Variants in FSHR observed in about 807,000 individuals in gnomAD.
FSHR encodes the protein follicle stimulating hormone receptor.
Under a neutral mutation model 52.1 loss-of-function variants are expected in FSHR, and 46 were observed. The observed-to-expected ratio is 0.88, with a 90% CI of 0.70 to 1.13. FSHR has a LOEUF of 1.13. Among genes scored for constraint, FSHR ranks in the 50% most tolerant of loss-of-function variants. The pLI, the probability that FSHR is intolerant of heterozygous loss-of-function variation, is 0.00. For synonymous variants in FSHR, 399 were observed against 309.6 expected (o/e 1.29, Z -3.03); for missense variants, 964 against 834.6 (o/e 1.16, Z -1.91).
intron 6 of FSHR, among the ~76,000 whole-genome samples, chr2:48,987,610 T>G (rs115055729): frequency 0.012 from 1,855 of 152,230 alleles, 45 homozygotes; most frequent in African/African-American, 0.042. Flanking sequence ...CTACTGCTCA[T>G]CTTTAAAAGC....
At chr2:49,028,772 G>T (rs751203871) in intron 2 of FSHR, among the ~76,000 whole-genome samples, 20 of 152,148 alleles carry the variant, frequency 1.3e-4, no homozygotes, top group Non-Finnish European at 2.8e-4. Flanking sequence ...GGTTGGAGGT[G>T]CCCAGAACAA....
intron 2 of FSHR, among the ~76,000 whole-genome samples, chr2:49,066,067 A>G (rs181946243): frequency 1.3e-5 from 2 of 152,162 alleles, no homozygotes; most frequent in Non-Finnish European, 2.9e-5. Context: ...TTTTTGTCCA[A>G]ATAGCAAGTG....
chr2:48,984,594 T>TG (rs1553431705), intron 6 of FSHR, among the ~76,000 whole-genome samples: 1 of 151,698 alleles, frequency 6.6e-6, no homozygotes, highest in East Asian at 1.9e-4. Context: ...GTATTTTTTT[T>TG]TTTTGTAATA....
chr2:49,068,848 T>C (rs1386250660), intron 1 of FSHR, among the ~76,000 whole-genome samples: 4 of 152,084 alleles, frequency 2.6e-5, no homozygotes, highest in South Asian at 2.1e-4. Flanking sequence ...TTCTCCAATA[T>C]ACACTAGGTC....
At chr2:49,040,526 G>T (rs1339021545) in intron 2 of FSHR, among the ~76,000 whole-genome samples, 3 of 152,188 alleles carry the variant, frequency 2.0e-5, no homozygotes, top group Non-Finnish European at 4.4e-5. Flanking sequence ...GTTGTCTGTG[G>T]CATCTGGTAC....
At chr2:48,996,746 T>A (rs1676040557) in intron 4 of FSHR, among the ~76,000 whole-genome samples, 1 of 152,086 alleles carries the variant, frequency 6.6e-6, no homozygotes, top group Non-Finnish European at 1.5e-5. Flanking sequence ...GTCAAGACAC[T>A]CAAATTTTTG....
chr2:49,083,910 C>T (rs1390845207), intron 1 of FSHR, among the ~76,000 whole-genome samples: 2 of 151,428 alleles, frequency 1.3e-5, no homozygotes, highest in East Asian at 3.9e-4. Context: ...ACTTTAACAT[C>T]CCACTGTCAA....
intron 1 of FSHR, among the ~76,000 whole-genome samples, chr2:49,079,550 A>G (rs1473046371): frequency 6.6e-6 from 1 of 152,170 alleles, no homozygotes; most frequent in Non-Finnish European, 1.5e-5. Flanking sequence ...ATTTAAAAAA[A>G]TAGACCAATG....
chr2:49,076,602 G>C (rs920963071), intron 1 of FSHR, among the ~76,000 whole-genome samples: 8 of 152,032 alleles, frequency 5.3e-5, no homozygotes, highest in African/African-American at 1.9e-4. Flanking sequence ...CTTCCCTACA[G>C]TCTACCAAAA....
rs377567991 is a variant in FSHR at position 48,965,718 on chromosome 2, T to C, written c.855-1752A>G. Among the ~76,000 whole-genome samples the C allele has an allele frequency of 1.5e-4, 23 of 152,342 alleles. No homozygotes were observed. In the South Asian group the frequency reaches 4.6e-3, roughly 30 times the overall value. On this transcript the variant is annotated intron_variant, in intron 9 of 9. Transcript: ENST00000406846. ...TGGTCGCTGTCTGTGAAGGTTCTTA[T>C]TGTTGATACTGCTGTCCATATATTT...
intron 2 of FSHR, among the ~76,000 whole-genome samples, chr2:49,065,352 A>T (rs1669461530): frequency 1.3e-5 from 2 of 152,210 alleles, no homozygotes; most frequent in South Asian, 4.1e-4. Context: ...AGTGATGATG[A>T]GACTTTGGGT....
At chr2:49,048,216 T>G (rs561974198) in intron 2 of FSHR, among the ~76,000 whole-genome samples, 2 of 151,896 alleles carry the variant, frequency 1.3e-5, no homozygotes, top group African/African-American at 2.4e-5. Flanking sequence ...AATTTTTATA[T>G]GTCAATCATA....
At chr2:49,112,389 A>G (rs1383490326) in intron 1 of FSHR, among the ~76,000 whole-genome samples, 1 of 152,206 alleles carries the variant, frequency 6.6e-6, no homozygotes, top group Admixed American at 6.5e-5. Flanking sequence ...TTGTTTTAAA[A>G]TAATGCAGTA....
chr2:49,086,274 A>G (rs980146903), intron 1 of FSHR, among the ~76,000 whole-genome samples: 1 of 152,214 alleles, frequency 6.6e-6, no homozygotes, highest in African/African-American at 2.4e-5. Flanking sequence ...AGCACTTTAC[A>G]TTGTGAGAGT....
At chr2:49,092,129 C>A (rs1340211264) in intron 1 of FSHR, among the ~76,000 whole-genome samples, 2 of 152,162 alleles carry the variant, frequency 1.3e-5, no homozygotes, top group Non-Finnish European at 2.9e-5. Context: ...ATTTTTTGAG[C>A]AACTGTAAGT....
At chr2:49,110,402 G>C (rs1051944289) in intron 1 of FSHR, among the ~76,000 whole-genome samples, 1 of 152,062 alleles carries the variant, frequency 6.6e-6, no homozygotes, top group Non-Finnish European at 1.5e-5. Flanking sequence ...CTAAAGTTCA[G>C]TAAGACTTTA....
intron 1 of FSHR, among the ~76,000 whole-genome samples, chr2:49,093,863 C>T (rs1670714196): frequency 6.6e-6 from 1 of 152,074 alleles, no homozygotes; most frequent in African/African-American, 2.4e-5. Flanking sequence ...TTCCAAATTG[C>T]TAGGATTATA....
At chr2:49,127,836 T>C (rs1480929413) in intron 1 of FSHR, among the ~76,000 whole-genome samples, 708 of 11,630 alleles carry the variant, frequency 0.061, 70 homozygotes, top group African/African-American at 0.25. Context: ...CTTCCTCTTC[T>C]TCTTCTTCTT....
intron 4 of FSHR, among the ~76,000 whole-genome samples, chr2:48,994,297 C>A (rs1675921497): frequency 6.6e-6 from 1 of 152,150 alleles, no homozygotes; most frequent in Admixed American, 6.5e-5. Flanking sequence ...TTCATGATTG[C>A]TCAATAATAA....
Sources: allele counts gnomAD v4.1 joint callset (sites outside exome capture counted in the v4.1 genomes callset), GRCh38; gene constraint gnomAD v4.1.1; transcripts MANE v1.5; gene names NCBI Gene and HGNC (gene_info 2026-07-23, HGNC 2026-07-21).